Variants in PCBP2 observed in about 807,000 individuals in gnomAD.
PCBP2 encodes poly(rC) binding protein 2.
In PCBP2, 4 loss-of-function variants were observed where a neutral mutation model predicts 50.1. The ratio of observed to expected loss-of-function variants is 0.08; its 90% CI spans 0.04 to 0.18. The LOEUF (loss-of-function observed/expected upper bound fraction) is 0.18, where lower values mean the gene tolerates loss of function less well. PCBP2 is among the 10% of genes least tolerant of loss of function. The pLI is 1.00. For synonymous variants in PCBP2, 179 were observed against 168.0 expected, an observed-to-expected ratio of 1.07 and a Z score of -0.51; for missense variants, 161 against 474.3, an observed-to-expected ratio of 0.34 and a Z score of 6.14.
intron 9 of PCBP2, 31 bp downstream of exon 9, chr12:53,464,883 A>T: frequency 6.4e-7 from 1 of 1,566,230 alleles, no homozygotes; most frequent in Non-Finnish European, 8.6e-7. Flanking sequence ...TCCAAGGCTC[A>T]CTCAATCCTT....
At position 53,452,393 on chromosome 12, in the gene PCBP2, C is replaced by G. The variant is rs1158220527; in HGVS notation, c.-76+17C>G. ...CGCCTGCAGGTAAGCCTAAAAATTT[C>G]CCTTGCGCCCCCGGCTATGGCTACA... On this transcript the variant is annotated intron_variant, in intron 1 of 14. Coordinates refer to ENST00000546463, the MANE Select transcript of PCBP2 (RefSeq NM_031989.5). 1 of 143,182 alleles carries G rather than the reference C, an allele frequency of 7.0e-6. No individual in the cohort carries two copies. Among genetic ancestry groups the G allele is most frequent in the Non-Finnish European group, 1.5e-5 (1 of 65,944 alleles). 8.9% of individuals were successfully genotyped at this position (143,182 alleles called of 1,614,324 possible).
At chr12:53,463,497 A>G (rs1397797548) in intron 8 of PCBP2, among the ~76,000 whole-genome samples, 2 of 152,206 alleles carry the variant, frequency 1.3e-5, no homozygotes, top group Non-Finnish European at 1.5e-5. Context: ...ATAGAGTATA[A>G]CAAGTATTTA....
At chr12:53,459,662 T>G (rs1331476227) in intron 6 of PCBP2, 3 of 267,590 alleles carry the variant, frequency 1.1e-5, no homozygotes, top group South Asian at 8.2e-5. Flanking sequence ...TATTTTTTTT[T>G]GGCAACTTTT....
chr12:53,455,597 AT>A (rs1487228466), intron 4 of PCBP2, 104 bp downstream of exon 4: 1 of 1,217,806 alleles, frequency 8.2e-7, no homozygotes, highest in East Asian at 2.4e-5. Context: ...TAAGGGAAAT[AT>A]GTATTTTTTT....
intron 2 of PCBP2, 79 bp downstream of exon 2, chr12:53,454,948 T>A (rs1253193599): frequency 8.4e-7 from 1 of 1,184,472 alleles, no homozygotes; most frequent in African/African-American, 1.5e-5. Context: ...ATCTTGGAGC[T>A]CATCAGATTA....
At chr12:53,464,933 G>A in intron 9 of PCBP2, 81 bp downstream of exon 9, 1 of 1,456,974 alleles carries the variant, frequency 6.9e-7, no homozygotes, top group South Asian at 1.5e-5. Flanking sequence ...GGGGCCAGTG[G>A]CGCTGGTGAT....
rs538534764 is a variant in PCBP2, at chr12:53,477,017, C to G, written c.1053-2389C>G. On this transcript the variant is annotated intron_variant, in intron 14 of 14. Coordinates refer to ENST00000546463, the MANE Select transcript of PCBP2 (RefSeq NM_031989.5). ...GCTACCATCACTACCTCCAAAGGGCCTCAGTTTTAAATTTTTTTAAACCCT... is the reference window on the plus strand; with the variant it reads ...GCTACCATCACTACCTCCAAAGGGCGTCAGTTTTAAATTTTTTTAAACCCT... Among the ~76,000 whole-genome samples the G allele has an allele frequency of 1.8e-4, 28 of 152,096 alleles. 1 individual carries two copies. The highest frequency in any genetic ancestry group is 7.4e-5 in the Non-Finnish European group (5 of 68,002).
At chr12:53,465,812 T>A (rs755965523) in intron 9 of PCBP2, 120 bp from the exon 10 acceptor site, 1 of 763,904 alleles carries the variant, frequency 1.3e-6, no homozygotes, top group Admixed American at 2.0e-5. Flanking sequence ...CCTCAATCTC[T>A]GGCCTCCCCC....
Position 53,481,123 on chromosome 12 carries a change from ATG to A in PCBP2, c.*1683_*1684del, listed in dbSNP as rs915568440. 2.0e-5 allele frequency: 12 copies of A among 610,176 alleles called. No individual in the cohort carries two copies. The South Asian group carries it at 2.8e-4, about 14-fold the overall frequency. 37.8% of individuals were successfully genotyped at this position (610,176 alleles called of 1,614,324 possible). ...TTATGTGGCGCATATATATATATAT[ATG>A]TATATATATATAATTTATATAAATA... On this transcript the variant is annotated 3_prime_UTR_variant, in exon 15 of 15. Coordinates refer to ENST00000546463, the MANE Select transcript of PCBP2 (RefSeq NM_031989.5).
intron 14 of PCBP2, chr12:53,474,764 CACTT>C (rs1006732652): frequency 8.8e-6 from 3 of 342,834 alleles, no homozygotes; most frequent in African/African-American, 4.3e-5. Flanking sequence ...CAACCAGAGG[CACTT>C]ACTGATATAA....
chr12:53,468,903 A>T, intron 13 of PCBP2, 71 bp downstream of exon 13: 1 of 1,055,916 alleles, frequency 9.5e-7, no homozygotes, highest in Non-Finnish European at 1.4e-6. Flanking sequence ...TCGTTTCAGC[A>T]GTGTCCTGCT....
chr12:53,473,098 T>G (rs1398000094), intron 14 of PCBP2, among the ~76,000 whole-genome samples: 2 of 151,732 alleles, frequency 1.3e-5, no homozygotes, highest in Non-Finnish European at 2.9e-5. Context: ...CTTTTTTTTT[T>G]TTTTGAGACG....
chr12:53,458,614 T>C (rs1449781700), intron 5 of PCBP2, among the ~76,000 whole-genome samples: 1 of 151,782 alleles, frequency 6.6e-6, no homozygotes, highest in Non-Finnish European at 1.5e-5. Context: ...GTCTGTTTTA[T>C]ATTTTTTCTT....
chr12:53,475,329 CTT>C (rs1400927047), intron 14 of PCBP2: 2 of 368,848 alleles, frequency 5.4e-6, no homozygotes, highest in African/African-American at 4.3e-5. Context: ...CTTTTTACTA[CTT>C]TGGGGGATAA....
chr12:53,475,391 C>G (rs551464570), intron 14 of PCBP2: 71 of 341,016 alleles, frequency 2.1e-4, no homozygotes, highest in South Asian at 1.5e-3. Context: ...TAGGCCATTT[C>G]AGCTGAGTGC....
chr12:53,455,627 G>T, intron 4 of PCBP2, 134 bp downstream of exon 4: 1 of 929,600 alleles, frequency 1.1e-6, no homozygotes, highest in East Asian at 2.6e-5. Flanking sequence ...GTTATTTGTA[G>T]TGATAATCTG....
chr12:53,463,159 G>A (rs1432743551), intron 8 of PCBP2, among the ~76,000 whole-genome samples: 2 of 152,188 alleles, frequency 1.3e-5, no homozygotes, highest in East Asian at 3.8e-4. Context: ...GGGTGAGCAT[G>A]TTGGGCTGTG....
intron 7 of PCBP2, among the ~76,000 whole-genome samples, chr12:53,462,050 T>C (rs746750650): frequency 4.6e-5 from 7 of 152,170 alleles, no homozygotes; most frequent in Non-Finnish European, 1.0e-4. Context: ...AAAACCTTGA[T>C]TGAGCCTTTG....
At chr12:53,459,907 C>T (rs1366587246) in intron 6 of PCBP2, 1 of 452,174 alleles carries the variant, frequency 2.2e-6, no homozygotes, top group Non-Finnish European at 4.5e-6. Flanking sequence ...ACTGCAGGCT[C>T]CCACCACCAC....
Sources: gnomAD v4.1 joint callset for allele counts (sites outside exome capture counted in the v4.1 genomes callset) on GRCh38, gnomAD v4.1.1 for gene constraint, MANE v1.5 for transcripts, NCBI Gene and HGNC (gene_info 2026-07-23, HGNC 2026-07-21) for gene names.